Variants in THSD7B observed in about 807,000 individuals in gnomAD.
The protein encoded by THSD7B is thrombospondin type 1 domain containing 7B.
THSD7B carries 138 observed loss-of-function variants against 213.6 expected under a neutral mutation model. That is an observed-to-expected ratio of 0.65 (90% CI 0.56 to 0.74). The LOEUF is 0.74. THSD7B is among the 30% of genes least tolerant of loss of function. The pLI, the probability that THSD7B is intolerant of heterozygous loss-of-function variation, is 0.00. For synonymous variants in THSD7B, 742 were observed against 687.0 expected (o/e 1.08, Z -1.25); for missense variants, 1,931 against 1,991.5 (o/e 0.97, Z 0.58).
chr2:136,884,274 G>T (rs1301578523), intron 2 of THSD7B, among the ~76,000 whole-genome samples: 5 of 152,228 alleles, frequency 3.3e-5, no homozygotes, highest in African/African-American at 1.2e-4. Context: ...ACAAGGGATT[G>T]TGCAGTGACC....
At chr2:137,572,632 C>A in intron 17 of THSD7B, 76 bp downstream of exon 17, 2 of 1,491,842 alleles carry the variant, frequency 1.3e-6, no homozygotes, top group South Asian at 1.3e-5. Flanking sequence ...ATTCACAGTG[C>A]TAGTCTCCAA....
intron 5 of THSD7B, among the ~76,000 whole-genome samples, chr2:137,131,594 A>C (rs1466742668): frequency 6.6e-6 from 1 of 152,356 alleles, no homozygotes; most frequent in Middle Eastern, 3.4e-3. Flanking sequence ...AGCTTTCTAC[A>C]TATGGCTAGC....
At chr2:137,630,500 C>A (rs1315879168) in intron 20 of THSD7B, among the ~76,000 whole-genome samples, 1 of 152,182 alleles carries the variant, frequency 6.6e-6, no homozygotes, top group Non-Finnish European at 1.5e-5. Context: ...ACCATCACAC[C>A]TGTGGTAGAT....
At chr2:137,200,496 A>G (rs979187019) in intron 7 of THSD7B, among the ~76,000 whole-genome samples, 14 of 152,130 alleles carry the variant, frequency 9.2e-5, no homozygotes, top group African/African-American at 3.4e-4. Context: ...AATGTAACAT[A>G]CATATAGAAA....
intron 10 of THSD7B, among the ~76,000 whole-genome samples, chr2:137,248,051 C>T (rs1344453722): frequency 6.6e-6 from 1 of 152,098 alleles, no homozygotes; most frequent in Non-Finnish European, 1.5e-5. Context: ...CTGAGACTCA[C>T]CCCAGCTCAA....
intron 15 of THSD7B, among the ~76,000 whole-genome samples, chr2:137,532,819 T>G (rs1410826171): frequency 6.6e-6 from 1 of 151,636 alleles, no homozygotes; most frequent in Non-Finnish European, 1.5e-5. Context: ...AGCCAGTGAG[T>G]GACCATATAG....
At chr2:137,366,375 G>C (rs1393795851) in intron 12 of THSD7B, among the ~76,000 whole-genome samples, 1 of 151,318 alleles carries the variant, frequency 6.6e-6, no homozygotes, top group Non-Finnish European at 1.5e-5. Context: ...ATGTACCCTA[G>C]AACTTAAAGT....
chr2:137,503,571 G>C (rs1169003024), intron 15 of THSD7B, among the ~76,000 whole-genome samples: 1 of 152,188 alleles, frequency 6.6e-6, no homozygotes, highest in Non-Finnish European at 1.5e-5. Flanking sequence ...CAGCTGAAGA[G>C]TCATAAAAAC....
chr2:136,854,028 G>A (rs1242519928), intron 1 of THSD7B, among the ~76,000 whole-genome samples: 6 of 152,080 alleles, frequency 3.9e-5, no homozygotes, highest in African/African-American at 1.4e-4. Flanking sequence ...GGATGCTCTA[G>A]GCTCATCTTA....
intron 6 of THSD7B, among the ~76,000 whole-genome samples, chr2:137,163,604 C>A (rs934336697): frequency 2.6e-5 from 4 of 152,204 alleles, no homozygotes; most frequent in African/African-American, 9.6e-5. Flanking sequence ...TTCTGTAAAG[C>A]CTCCAGAGGG....
intron 12 of THSD7B, among the ~76,000 whole-genome samples, chr2:137,380,426 C>A (rs1685747118): frequency 6.6e-6 from 1 of 152,168 alleles, no homozygotes; most frequent in Non-Finnish European, 1.5e-5. Flanking sequence ...GCTGTTCCCA[C>A]TCCCTTCTCA....
intron 2 of THSD7B, among the ~76,000 whole-genome samples, chr2:136,897,359 C>G (rs1013328691): frequency 3.3e-5 from 5 of 151,768 alleles, no homozygotes; most frequent in Non-Finnish European, 5.9e-5. Flanking sequence ...TTCTGGTGGG[C>G]TCGTGGTCTC....
intron 2 of THSD7B, among the ~76,000 whole-genome samples, chr2:137,027,812 A>C (rs1158676077): frequency 3.3e-5 from 5 of 152,180 alleles, no homozygotes; most frequent in Non-Finnish European, 7.3e-5. Flanking sequence ...TGAGATTAAT[A>C]AGGGAGACAC....
chr2:137,345,995 C>T (rs1424123208), intron 12 of THSD7B, among the ~76,000 whole-genome samples: 1 of 151,526 alleles, frequency 6.6e-6, no homozygotes, highest in Non-Finnish European at 1.5e-5. Context: ...GGAGCTTGCC[C>T]TTTTATTTTT....
chr2:137,404,526 CAATA>C (rs1423100416), intron 12 of THSD7B, among the ~76,000 whole-genome samples: 1 of 132,684 alleles, frequency 7.5e-6, no homozygotes, highest in African/African-American at 2.8e-5. Flanking sequence ...TATACACACA[CAATA>C]TATATATACA....
chr2:137,256,733 G>A (rs1011213165), intron 10 of THSD7B, among the ~76,000 whole-genome samples: 19 of 151,920 alleles, frequency 1.3e-4, no homozygotes, highest in African/African-American at 4.1e-4. Flanking sequence ...GAGGTGAGAC[G>A]ACATTGGAAA....
In THSD7B at chr2:137,296,156, G is replaced by A. The variant is rs541486068; in HGVS notation, c.2500+20130G>A. ...ATATTCCATATTGCAAATTTCTTTT[G>A]CATGTTTTATATTGACCCAAAAGCT... On this transcript the variant is annotated intron_variant, in intron 12 of 27. Coordinates refer to ENST00000409968, the MANE Select transcript of THSD7B (RefSeq NM_001316349.2). 4.6e-5 allele frequency among the ~76,000 whole-genome samples: 7 copies of A among 152,148 alleles called. 1 individual carries two copies. Among genetic ancestry groups the A allele is most frequent in the African/African-American group, 1.4e-4 (6 of 41,548 alleles).
chr2:137,139,755 T>C (rs1199971529), intron 5 of THSD7B, among the ~76,000 whole-genome samples: 1 of 152,130 alleles, frequency 6.6e-6, no homozygotes, highest in African/African-American at 2.4e-5. Context: ...CAGGAATCCC[T>C]TCATAGAAGA....
chr2:137,366,209 G>A (rs1443198854), intron 12 of THSD7B, among the ~76,000 whole-genome samples: 2 of 152,112 alleles, frequency 1.3e-5, no homozygotes, highest in East Asian at 3.9e-4. Context: ...CTTGGACACA[G>A]GGTGGGGAAC....
Sources: gnomAD v4.1 joint callset for allele counts (sites outside exome capture counted in the v4.1 genomes callset) on GRCh38, gnomAD v4.1.1 for gene constraint, MANE v1.5 for transcripts, NCBI Gene and HGNC (gene_info 2026-07-23, HGNC 2026-07-21) for gene names.